The following THNSL1 variants were observed in gnomAD, a reference collection of about 807,000 sequenced individuals.
THNSL1 encodes threonine synthase like 1.
THNSL1 carries 48 observed loss-of-function variants against 50.4 expected under a neutral mutation model. The ratio of observed to expected loss-of-function variants is 0.95; its 90% CI spans 0.76 to 1.21. The LOEUF (loss-of-function observed/expected upper bound fraction) is 1.21. THNSL1 is among the 50% of genes most tolerant of loss of function. THNSL1 has a pLI of 0.00. For synonymous variants in THNSL1, 309 were observed against 306.1 expected (o/e 1.01, Z -0.10); for missense variants, 896 against 871.7 (o/e 1.03, Z -0.35).
upstream of THNSL1, chr10:25,016,109 G>C (rs764230882): frequency 1.4e-5 from 18 of 1,282,634 alleles, no homozygotes; most frequent in Non-Finnish European, 1.8e-5. Context: ...GTCCTCTCTC[G>C]GGAAGAAAAC....
chr10:25,016,217 T>G (rs1398927376), upstream of THNSL1: 6 of 1,124,710 alleles, frequency 5.3e-6, no homozygotes, highest in Non-Finnish European at 6.5e-6. Flanking sequence ...CACCGCAAAC[T>G]AGGTCTCCCC....
the THNSL1 span, among the ~76,000 whole-genome samples, chr10:25,007,637 T>G: frequency 0.016 from 2,412 of 152,252 alleles, 33 homozygotes; most frequent in South Asian, 0.039. Context: ...GGTTTCACCA[T>G]GTTAGCCAGG....
At chr10:25,015,965 T>C, upstream of THNSL1, 1 of 1,592,086 alleles carries the variant, frequency 6.3e-7, no homozygotes, top group Non-Finnish European at 8.5e-7. Flanking sequence ...TAAAAGCTAC[T>C]CTCCACAACT....
chr10:25,018,766 A>G (rs960604230), intron 1 of THNSL1, among the ~76,000 whole-genome samples: 7 of 151,388 alleles, frequency 4.6e-5, no homozygotes, highest in African/African-American at 1.7e-4. Context: ...AACCCTTTAT[A>G]AAGACAGGTT....
At chr10:25,013,816 C>A (rs1231138626), upstream of THNSL1, among the ~76,000 whole-genome samples, 1 of 152,080 alleles carries the variant, frequency 6.6e-6, no homozygotes, top group Non-Finnish European at 1.5e-5. Context: ...GTAGCAGGGA[C>A]CTGTAATCCC....
At chr10:24,997,264 C>G in the THNSL1 span, among the ~76,000 whole-genome samples, 1 of 151,894 alleles carries the variant, frequency 6.6e-6, no homozygotes, top group African/African-American at 2.4e-5. Flanking sequence ...AAAAGAAAAG[C>G]AAAAATCAAC....
At chr10:24,960,363 C>T in the THNSL1 span, among the ~76,000 whole-genome samples, 2 of 152,038 alleles carry the variant, frequency 1.3e-5, no homozygotes, top group Admixed American at 6.6e-5. Context: ...ATTAAGAGTC[C>T]TATGGGTTGC....
Position 25,024,080 on chromosome 10 carries a change from C to T in THNSL1, c.857C>T (p.Ala286Val). ...GGGGAGTGGAAAAGCCTAGTAGGAG[C>T]AACCTACGTAGAAAGAGCACAGATA... ...SCGEWKSLVGATYVERAQILL... is the reference protein window; with the variant it reads ...SCGEWKSLVGVTYVERAQILL... The change falls in exon 3 of 3, where the codon GCA becomes GTA. Residue 286 changes from alanine (A) to valine (V), a missense_variant. Ala to Val is a moderately conservative substitution (Grantham distance 64). Coordinates refer to ENST00000376356, the MANE Select transcript of THNSL1 (RefSeq NM_024838.5). 1 of 1,614,188 alleles carries T rather than the reference C, an allele frequency of 6.2e-7. No homozygotes were observed. The highest frequency in any genetic ancestry group is 8.5e-7 in the Non-Finnish European group (1 of 1,180,028).
At chr10:24,963,745 G>A in the THNSL1 span, among the ~76,000 whole-genome samples, 25 of 152,212 alleles carry the variant, frequency 1.6e-4, no homozygotes, top group South Asian at 3.3e-3. Flanking sequence ...CCAAAAGCCC[G>A]TTTGCTTTTT....
At position 25,024,845 on chromosome 10, in the gene THNSL1, C is replaced by G. The variant is rs1050014494; in HGVS notation, c.1622C>G (p.Thr541Ser). 5.0e-6 allele frequency: 8 copies of G among 1,613,940 alleles called. No homozygotes were observed. In the Admixed American group the frequency reaches 1.0e-4, roughly 20 times the overall value. ...ICASNQNHVL[T>S]DFIKTGHYDL... Reference sequence around the variant, plus strand: ...GCCTCTAATCAGAACCATGTTTTGACTGATTTTATAAAAACAGGACATTAT... The same window carrying G: ...GCCTCTAATCAGAACCATGTTTTGAGTGATTTTATAAAAACAGGACATTAT... The change falls in exon 3 of 3, where the codon ACT (threonine) becomes AGT (serine). Residue 541 changes from threonine (T) to serine (S), a missense_variant. Physicochemically the swap from Thr to Ser is moderately conservative, Grantham distance 58. Transcript: ENST00000376356.
chr10:25,011,959 G>C (rs1850456730), upstream of THNSL1, among the ~76,000 whole-genome samples: 1 of 152,206 alleles, frequency 6.6e-6, no homozygotes, highest in Non-Finnish European at 1.5e-5. Flanking sequence ...CAGAGACCTA[G>C]GAGAAAAAAT....
the THNSL1 span, among the ~76,000 whole-genome samples, chr10:24,987,482 A>C: frequency 6.6e-6 from 1 of 152,074 alleles, no homozygotes; most frequent in East Asian, 1.9e-4. Context: ...AAAAATAAAA[A>C]AATGAAATAA....
chr10:25,002,392 C>T, the THNSL1 span, among the ~76,000 whole-genome samples: 14 of 152,304 alleles, frequency 9.2e-5, no homozygotes, highest in East Asian at 2.5e-3. Context: ...CCTTTGCAAA[C>T]TCTGAATTCT....
Position 25,024,080 on chromosome 10 carries a change from C to G in THNSL1, c.857C>G (p.Ala286Gly). The change falls in exon 3 of 3, where the codon GCA (alanine) becomes GGA (glycine). Residue 286 changes from alanine (A) to glycine (G), a missense_variant. Physicochemically the swap from Ala to Gly is moderately conservative, Grantham distance 60. Coordinates refer to ENST00000376356, the MANE Select transcript of THNSL1 (RefSeq NM_024838.5). ...GGGGAGTGGAAAAGCCTAGTAGGAG[C>G]AACCTACGTAGAAAGAGCACAGATA... ...SCGEWKSLVG[A>G]TYVERAQILL... is the part of the protein sequence containing the mutation. 6.2e-7 allele frequency: 1 copy of G among 1,614,188 alleles called. No individual in the cohort carries two copies. Among genetic ancestry groups the G allele is most frequent in the Non-Finnish European group, 8.5e-7 (1 of 1,180,028 alleles).
rs1368640679 is a variant in THNSL1, at chr10:25,024,689, A to T, written c.1466A>T (p.Asp489Val). The change falls in exon 3 of 3, where the codon GAT becomes GTT. Residue 489 changes from aspartate to valine, a missense_variant. Physicochemically the swap from Asp to Val is radical, Grantham distance 152. Transcript: ENST00000376356. ...GTTTATCATGCTTCCGCATATCTTGATCTTGTTAGTCAAGGATTTATTTCT... is the reference window on the plus strand; with the variant it reads ...GTTTATCATGCTTCCGCATATCTTGTTCTTGTTAGTCAAGGATTTATTTCT... ...QVVYHASAYL[D>V]LVSQGFISFG... 5 of 1,614,198 alleles carry T rather than the reference A, an allele frequency of 3.1e-6. No homozygotes were observed. The highest frequency in any genetic ancestry group is 4.2e-6 in the Non-Finnish European group (5 of 1,180,030).
chr10:25,023,239 C>T lies in THNSL1; in HGVS notation c.16C>T (p.Arg6Ter), dbSNP rs145170378. ...TGAAAAGAGAATGCTCCACTTTAACCGATGTCATCATCTGAAAAAGATAAC... is the reference window on the plus strand; with the variant it reads ...TGAAAAGAGAATGCTCCACTTTAACTGATGTCATCATCTGAAAAAGATAAC... The part of the protein sequence containing the change: MLHFN[R>*]CHHLKKITQK... Residue 6 changes from arginine to a stop codon, truncating the protein, a stop_gained, in exon 3 of 3, where the codon CGA becomes TGA. Coordinates refer to ENST00000376356, the MANE Select transcript of THNSL1 (RefSeq NM_024838.5). LOFTEE classifies it high-confidence loss of function. The T allele has an allele frequency of 2.2e-4, 357 of 1,611,318 alleles. 1 individual carries two copies. In the Middle Eastern group the frequency reaches 5.1e-3, roughly 23 times the overall value.
chr10:24,995,877 A>G, the THNSL1 span: 5 of 1,593,518 alleles, frequency 3.1e-6, no homozygotes, highest in African/African-American at 6.8e-5. Context: ...TTTCTGTTAA[A>G]TATAACATTT....
chr10:24,997,410 A>G, the THNSL1 span, among the ~76,000 whole-genome samples: 1 of 145,754 alleles, frequency 6.9e-6, no homozygotes, highest in African/African-American at 2.6e-5. Flanking sequence ...TTTTTGAGAC[A>G]GGGTCTCCCT....
At chr10:25,017,480 T>G (rs1850627916) in intron 1 of THNSL1, among the ~76,000 whole-genome samples, 1 of 152,166 alleles carries the variant, frequency 6.6e-6, no homozygotes, top group African/African-American at 2.4e-5. Flanking sequence ...TCTCACTGCC[T>G]GGTTGGCTGG....
Sources: allele counts gnomAD v4.1 joint callset (sites outside exome capture counted in the v4.1 genomes callset), GRCh38; gene constraint gnomAD v4.1.1; transcripts MANE v1.5; gene names NCBI Gene and HGNC (gene_info 2026-07-23, HGNC 2026-07-21).